The following ANK1 variants were observed in gnomAD, a reference collection of about 807,000 sequenced individuals.
ANK1 encodes the protein ankyrin 1.
ANK1 carries 51 observed loss-of-function variants against 210.4 expected under a neutral mutation model. That is an observed-to-expected ratio of 0.24 (90% confidence interval 0.19 to 0.31). The LOEUF is 0.31. ANK1 is among the 10% of genes least tolerant of loss of function. The pLI is 1.00. For missense variants in ANK1, 2,051 were observed against 2,504.4 expected (o/e 0.82, Z 3.86); for synonymous variants, 967 against 1,025.9 (o/e 0.94, Z 1.10).
intron 39 of ANK1, chr8:41,664,864 G>A (rs1330160580): frequency 6.2e-7 from 1 of 1,613,698 alleles, no homozygotes; most frequent in South Asian, 1.1e-5. Context: ...TCGTCACTGA[G>A]GCCCTCGCTC....
chr8:41,877,439 A>C (rs1816796233), intron 1 of ANK1, among the ~76,000 whole-genome samples: 1 of 152,212 alleles, frequency 6.6e-6, no homozygotes, highest in South Asian at 2.1e-4. Flanking sequence ...CCACTACACC[A>C]TCTAGGAAGT....
At chr8:41,801,464 C>T (rs1221202279), upstream of ANK1, among the ~76,000 whole-genome samples, 4 of 152,220 alleles carry the variant, frequency 2.6e-5, no homozygotes, top group Admixed American at 6.5e-5. Context: ...GAAATTGGCT[C>T]TTCCAATTTA....
intron 1 of ANK1, among the ~76,000 whole-genome samples, chr8:41,870,366 C>T (rs1321187442): frequency 6.6e-6 from 1 of 152,218 alleles, no homozygotes; most frequent in Non-Finnish European, 1.5e-5. Flanking sequence ...CCTTCTCCAT[C>T]ATTCACTCGT....
chr8:41,699,923 A>C (rs2150603421), intron 22 of ANK1, among the ~76,000 whole-genome samples: 1 of 152,378 alleles, frequency 6.6e-6, no homozygotes, highest in African/African-American at 2.4e-5. Context: ...ATTACAGTGG[A>C]ACTGGACCCA....
At chr8:41,856,874 CTTTTTTTTTT>C (rs35341809) in intron 1 of ANK1, among the ~76,000 whole-genome samples, 1 of 95,248 alleles carries the variant, frequency 1.0e-5, no homozygotes, top group Admixed American at 1.3e-4. Context: ...TAACAGCCCT[CTTTTTTTTTT>C]TTTTTTTTTT....
intron 1 of ANK1, among the ~76,000 whole-genome samples, chr8:41,868,203 A>G (rs1409886770): frequency 6.6e-6 from 1 of 152,258 alleles, no homozygotes; most frequent in African/African-American, 2.4e-5. Context: ...GTATTAAGAC[A>G]GGGTTTCTCA....
chr8:41,798,179 G>A (rs916530783), upstream of ANK1, among the ~76,000 whole-genome samples: 1 of 152,016 alleles, frequency 6.6e-6, no homozygotes, highest in South Asian at 2.1e-4. Flanking sequence ...TGGGGCGCAG[G>A]AGTCCTTCTG....
chr8:41,700,490 C>T (rs1380115439), intron 22 of ANK1: 3 of 1,608,892 alleles, frequency 1.9e-6, no homozygotes, highest in Non-Finnish European at 2.6e-6. Flanking sequence ...GAAAGAAGGA[C>T]CACATTGAAG....
intron 37 of ANK1, among the ~76,000 whole-genome samples, chr8:41,681,096 G>A (rs1231380942): frequency 2.6e-5 from 4 of 152,282 alleles, no homozygotes; most frequent in South Asian, 2.1e-4. Context: ...GGTAATAATC[G>A]TCCTGCTAGC....
At chr8:41,813,280 C>T (rs1241273424) in intron 1 of ANK1, among the ~76,000 whole-genome samples, 1 of 152,166 alleles carries the variant, frequency 6.6e-6, no homozygotes, top group Non-Finnish European at 1.5e-5. Flanking sequence ...CTGGCTTCAG[C>T]TTGCGGGGCT....
chr8:41,768,889 T>C (rs1161589903), intron 1 of ANK1, among the ~76,000 whole-genome samples: 1 of 152,088 alleles, frequency 6.6e-6, no homozygotes, highest in African/African-American at 2.4e-5. Flanking sequence ...GAGGATCACC[T>C]GAGCCCAGGA....
Position 41,880,060 on chromosome 8 carries a change from G to A in ANK1, c.126+16295C>T, listed in dbSNP as rs985538123. On this transcript the variant is annotated intron_variant, in intron 1 of 42. Transcript: ENST00000265709. ...TGTACTCAAGGGCCAGGTCTAGCCCGCTGCCCATTTTTTGCATAGCACGGG... is the reference window on the plus strand; with the variant it reads ...TGTACTCAAGGGCCAGGTCTAGCCCACTGCCCATTTTTTGCATAGCACGGG... Among the ~76,000 whole-genome samples the A allele has an allele frequency of 3.3e-5, 5 of 152,140 alleles. No homozygotes were observed. In the South Asian group the frequency reaches 6.2e-4, roughly 19 times the overall value.
rs533918187 is a variant in ANK1, at chr8:41,895,902, C to CG, written c.126+452_126+453insC. Among the ~76,000 whole-genome samples the CG allele has an allele frequency of 9.7e-4, 124 of 127,574 alleles. 2 individuals carry two copies. In the South Asian group the frequency reaches 0.02, roughly 21 times the overall value. 83.7% of individuals were successfully genotyped at this position (127,574 alleles called of 152,430 possible). A position where few individuals can be genotyped will look rare whatever the true frequency, so the allele number is the denominator to read the frequency against. On this transcript the variant is annotated intron_variant, in intron 1 of 42. Coordinates refer to the ANK1 transcript ENST00000265709. ...CCTAGGGAGAAGCCGGGCAGAGCTG[C>CG]CCCCCCCCGGCCCGCTCCCCGGAGC... is the stretch of plus-strand genomic sequence containing the variant.
At chr8:41,835,876 T>G (rs1807589855) in intron 1 of ANK1, among the ~76,000 whole-genome samples, 2 of 152,206 alleles carry the variant, frequency 1.3e-5, no homozygotes, top group African/African-American at 4.8e-5. Flanking sequence ...CGGAGAAGCC[T>G]GCAGTGTCGC....
Position 41,802,760 on chromosome 8 carries a change from A to T in ANK1, c.127-44623T>A, listed in dbSNP as rs572412968. ...CCCATCTCTACTAAAAATAGAAAAA[A>T]GTAGCCAGGTGTGGTGGCTTGCATC... is the stretch of plus-strand genomic sequence containing the variant. On this transcript the variant is annotated intron_variant, in intron 1 of 42. Coordinates refer to the ANK1 transcript ENST00000265709. 4.0e-5 allele frequency among the ~76,000 whole-genome samples: 6 copies of T among 151,872 alleles called. No homozygotes were observed. In the East Asian group the frequency reaches 1.2e-3, roughly 30 times the overall value.
intron 26 of ANK1, 114 bp downstream of exon 26, chr8:41,696,249 G>A: frequency 3.3e-6 from 4 of 1,221,044 alleles, no homozygotes; most frequent in Non-Finnish European, 4.8e-6. Context: ...GTCAGGAAAA[G>A]TCAGGGAAAG....
intron 1 of ANK1, among the ~76,000 whole-genome samples, chr8:41,804,159 G>T (rs1356243023): frequency 6.6e-6 from 1 of 152,188 alleles, no homozygotes; most frequent in African/African-American, 2.4e-5. Context: ...TCATCTGAAG[G>T]CCCAACTAGG....
Position 41,672,634 on chromosome 8 carries a change from G to A in ANK1, c.4816C>T (p.Leu1606Phe). 1.2e-6 allele frequency: 2 copies of A among 1,614,246 alleles called. No individual in the cohort carries two copies. The highest frequency in any genetic ancestry group is 1.3e-5 in the African/African-American group (1 of 75,054). ...TCGGGGCCCCGCGGTTCCTCTGAGAGTGCCCCCTCCAACTTCCACTCGTGA... is the reference window on the plus strand; with the variant it reads ...TCGGGGCCCCGCGGTTCCTCTGAGAATGCCCCCTCCAACTTCCACTCGTGA... ...TGHEWKLEGA[L>F]SEEPRGPELG... Residue 1606 changes from leucine (L) to phenylalanine (F), a missense_variant, in exon 38 of 43, where the codon CTC becomes TTC. Around this residue, in one of 6 missense-constraint regions of ANK1, gnomAD observed 496 missense variants for 533.4 expected, o/e 0.93. Transcript: ENST00000289734.
intron 30 of ANK1, 38 bp from the exon 31 acceptor site, chr8:41,692,914 AAC>A (rs1819679083): frequency 6.3e-7 from 1 of 1,592,590 alleles, no homozygotes; most frequent in Admixed American, 1.7e-5. Flanking sequence ...CCAAGTGCCC[AAC>A]AGAGAGCATC....
Sources: allele counts gnomAD v4.1 joint callset (sites outside exome capture counted in the v4.1 genomes callset), GRCh38; gene constraint gnomAD v4.1.1; regional missense constraint gnomAD v4.1.1; transcripts MANE v1.5; gene names NCBI Gene and HGNC (gene_info 2026-07-23, HGNC 2026-07-21).